Variants in P2RX7 observed in about 807,000 individuals in gnomAD.
The protein encoded by P2RX7 is purinergic receptor P2X 7, also known as P2X purinoceptor 7.
A neutral mutation model predicts 71.6 loss-of-function variants in P2RX7; 62 were observed. The ratio of observed to expected loss-of-function variants is 0.87; its 90% confidence interval spans 0.71 to 1.07. The LOEUF is 1.07. Ranked by LOEUF, P2RX7 falls within the 50% of genes least tolerant of loss-of-function variation. The pLI is 0.00. For missense variants in P2RX7, 686 were observed against 748.5 expected, an observed-to-expected ratio of 0.92 and a Z score of 0.97; for synonymous variants, 299 against 283.3, an observed-to-expected ratio of 1.06 and a Z score of -0.56.
chr12:121,166,678 A>G (rs1881105629), intron 7 of P2RX7, among the ~76,000 whole-genome samples: 1 of 152,004 alleles, frequency 6.6e-6, no homozygotes, highest in African/African-American at 2.4e-5. Context: ...TCTTACAAAG[A>G]GAGAGAGCAT....
chr12:121,145,453 A>G (rs1290806419), intron 1 of P2RX7, among the ~76,000 whole-genome samples: 1 of 151,540 alleles, frequency 6.6e-6, no homozygotes, highest in East Asian at 1.9e-4. Flanking sequence ...TAGAGGAGTG[A>G]GTGAATCAAG....
intron 1 of P2RX7, among the ~76,000 whole-genome samples, chr12:121,143,891 A>C (rs548469623): frequency 6.6e-6 from 1 of 152,250 alleles, no homozygotes; most frequent in African/African-American, 2.4e-5. Flanking sequence ...TTTGAGGTAT[A>C]ACTTACATAT....
intron 1 of P2RX7, among the ~76,000 whole-genome samples, chr12:121,148,759 C>T (rs954845134): frequency 6.6e-6 from 1 of 152,188 alleles, no homozygotes; most frequent in African/African-American, 2.4e-5. Flanking sequence ...CCTTGCTGAG[C>T]CCCCACCATG....
At chr12:121,174,256 C>T (rs1166439617) in intron 8 of P2RX7, among the ~76,000 whole-genome samples, 5 of 151,842 alleles carry the variant, frequency 3.3e-5, no homozygotes, top group African/African-American at 4.8e-5. Flanking sequence ...CCATGTTGTC[C>T]GGGCTGGTCT....
chr12:121,140,199 G>A (rs1463221204), intron 1 of P2RX7, among the ~76,000 whole-genome samples: 6 of 151,442 alleles, frequency 4.0e-5, no homozygotes, highest in Non-Finnish European at 8.8e-5. Context: ...CACACAGTAC[G>A]AAGAGAACAG....
chr12:121,145,576 C>T (rs1193358964), intron 1 of P2RX7, among the ~76,000 whole-genome samples: 1 of 151,456 alleles, frequency 6.6e-6, no homozygotes, highest in African/African-American at 2.4e-5. Context: ...GTGTGATCTC[C>T]ACTCACCACA....
chr12:121,173,770 C>T (rs1260200018), intron 8 of P2RX7, among the ~76,000 whole-genome samples: 1 of 152,174 alleles, frequency 6.6e-6, no homozygotes, highest in African/African-American at 2.4e-5. Context: ...CTACCTGTCC[C>T]TAAGGAGAAA....
In P2RX7 at chr12:121,133,100, G is replaced by C; in HGVS notation, c.125+5G>C. 1 of 1,614,156 alleles carries C rather than the reference G, an allele frequency of 6.2e-7. No homozygotes were observed. Among genetic ancestry groups the C allele is most frequent in the Non-Finnish European group, 8.5e-7 (1 of 1,180,018 alleles). ...GATCATCTTTTCCTACGTTTGGTAAGTGGGATCTGGGGAGGACCCAGATCT... is the reference window on the plus strand; with the variant it reads ...GATCATCTTTTCCTACGTTTGGTAACTGGGATCTGGGGAGGACCCAGATCT... On this transcript the variant is annotated splice_donor_5th_base_variant and intron_variant, in intron 1 of 12. Transcript: ENST00000328963.
rs1174428629 is a variant in P2RX7 at position 121,174,054 on chromosome 12, T to C, written c.882-1334T>C. ...TTATTTTTTCTTTTCTTTTCTTTTT[T>C]TTTTTTTTTTTTTGAGACAGTCTTG... is the stretch of plus-strand genomic sequence containing the variant. On this transcript the variant is annotated intron_variant, in intron 8 of 12. Transcript: ENST00000328963. Among the ~76,000 whole-genome samples the C allele has an allele frequency of 2.1e-4, 31 of 146,064 alleles. No homozygotes were observed. In the Middle Eastern group the frequency reaches 0.014, roughly 65 times the overall value.
Position 121,165,451 on chromosome 12 carries a change from C to A in P2RX7, c.614+14C>A. 1.9e-6 allele frequency: 3 copies of A among 1,606,144 alleles called. No individual in the cohort carries two copies. Among genetic ancestry groups the A allele is most frequent in the Non-Finnish European group, 2.6e-6 (3 of 1,172,712 alleles). On this transcript the variant is annotated intron_variant, in intron 6 of 12. Transcript: ENST00000328963. ...CAACTACACCACGTAAGTGCCCAGG[C>A]TGCCTGGCTGTCTTAGTTATCTACT...
chr12:121,156,008 G>A (rs1878498626), intron 2 of P2RX7, 71 bp from the exon 3 acceptor site: 1 of 1,391,728 alleles, frequency 7.2e-7, no homozygotes, highest in Non-Finnish European at 1.0e-6. Flanking sequence ...CGCCCAGCAA[G>A]CTGGATTATT....
chr12:121,177,240 G>A (rs556740374), intron 10 of P2RX7, 28 bp downstream of exon 10: 3 of 1,614,124 alleles, frequency 1.9e-6, no homozygotes, highest in South Asian at 1.1e-5. Flanking sequence ...CCATGCTTTA[G>A]GAAAATGGTT....
chr12:121,183,443 C>T (rs527697085), intron 12 of P2RX7, among the ~76,000 whole-genome samples: 7 of 150,442 alleles, frequency 4.7e-5, no homozygotes, highest in South Asian at 2.1e-4. Context: ...TGGTGGTGCG[C>T]GCCTGTAGTC....
intron 12 of P2RX7, among the ~76,000 whole-genome samples, chr12:121,181,170 G>A (rs117959175): frequency 1.2e-3 from 176 of 152,142 alleles, no homozygotes; most frequent in Admixed American, 2.7e-3. Flanking sequence ...GTATGTAAGC[G>A]GTATATACGC....
intron 5 of P2RX7, among the ~76,000 whole-genome samples, chr12:121,164,979 A>T (rs1267664670): frequency 6.6e-6 from 1 of 152,052 alleles, no homozygotes; most frequent in Non-Finnish European, 1.5e-5. Context: ...TGTGCCGCAC[A>T]CTTTTAAATG....
At chr12:121,172,358 G>A (rs61953398) in intron 8 of P2RX7, among the ~76,000 whole-genome samples, 2,940 of 152,322 alleles carry the variant, frequency 0.019, 48 homozygotes, top group Non-Finnish European at 0.029. Context: ...GCCTGGGCAC[G>A]TTGGCTCATG....
intron 1 of P2RX7, among the ~76,000 whole-genome samples, chr12:121,145,774 G>T (rs1028084074): frequency 6.6e-6 from 1 of 152,080 alleles, no homozygotes; most frequent in African/African-American, 2.4e-5. Context: ...CCAAAGTGCT[G>T]GGATTACAGG....
intron 11 of P2RX7, 57 bp downstream of exon 11, chr12:121,177,503 C>A: frequency 6.5e-7 from 1 of 1,543,954 alleles, no homozygotes; most frequent in Non-Finnish European, 8.9e-7. Flanking sequence ...TGAAATCACT[C>A]AGAAATGCAC....
chr12:121,141,982 G>A (rs1341276145), intron 1 of P2RX7, among the ~76,000 whole-genome samples: 1 of 152,168 alleles, frequency 6.6e-6, no homozygotes, highest in Non-Finnish European at 1.5e-5. Flanking sequence ...AATAACACTG[G>A]ATGCTGGGTG....
Sources: allele counts gnomAD v4.1 joint callset (sites outside exome capture counted in the v4.1 genomes callset), GRCh38; gene constraint gnomAD v4.1.1; transcripts MANE v1.5; gene names NCBI Gene and HGNC (gene_info 2026-07-23, HGNC 2026-07-21).